The following CEP112 variants were observed in gnomAD, a reference collection of about 807,000 sequenced individuals.
CEP112 encodes centrosomal protein 112.
Under a neutral mutation model 153.0 loss-of-function variants are expected in CEP112, and 127 were observed. The observed-to-expected ratio is 0.83, with a 90% CI of 0.72 to 0.96. The LOEUF (loss-of-function observed/expected upper bound fraction) is 0.96. CEP112 is among the 40% of genes least tolerant of loss of function. The probability of loss-of-function intolerance (pLI) is 0.00; values close to 1 mark genes in which losing one functional copy is unlikely to be tolerated. For missense variants in CEP112, 1,089 were observed against 1,101.2 expected, an observed-to-expected ratio of 0.99 and a Z score of 0.16; for synonymous variants, 358 against 374.4, an observed-to-expected ratio of 0.96 and a Z score of 0.51.
chr17:65,950,998 G>C (rs140856471), intron 18 of CEP112, among the ~76,000 whole-genome samples: 73 of 152,064 alleles, frequency 4.8e-4, no homozygotes, highest in African/African-American at 1.7e-3. Context: ...AGACAATCAC[G>C]TGATTTTTTC....
chr17:65,746,425 A>C (rs1027792058), intron 22 of CEP112, among the ~76,000 whole-genome samples: 1 of 152,204 alleles, frequency 6.6e-6, no homozygotes, highest in African/African-American at 2.4e-5. Context: ...ACTTGGCTAG[A>C]TAAATAGATA....
intron 20 of CEP112, among the ~76,000 whole-genome samples, chr17:65,900,157 T>C (rs1322944408): frequency 6.6e-6 from 1 of 152,186 alleles, no homozygotes; most frequent in African/African-American, 2.4e-5. Context: ...TACAGCTCAT[T>C]GCTAAAACTT....
intron 6 of CEP112, among the ~76,000 whole-genome samples, chr17:66,104,994 C>T (rs1844218875): frequency 6.6e-6 from 1 of 152,088 alleles, no homozygotes; most frequent in African/African-American, 2.4e-5. Context: ...AAGTATATTA[C>T]TATTATAACA....
intron 4 of CEP112, among the ~76,000 whole-genome samples, chr17:66,159,435 G>A (rs192156900): frequency 3.3e-5 from 5 of 152,224 alleles, no homozygotes; most frequent in East Asian, 1.9e-4. Context: ...GATGAACATC[G>A]ATGCAAAAAT....
chr17:65,937,519 A>G (rs1255687358), intron 18 of CEP112, among the ~76,000 whole-genome samples: 1 of 137,338 alleles, frequency 7.3e-6, no homozygotes, highest in African/African-American at 2.6e-5. Context: ...CCGTCTGAGA[A>G]GTGAGGAGCC....
chr17:65,734,344 G>C (rs2050680691), intron 23 of CEP112, among the ~76,000 whole-genome samples: 1 of 152,114 alleles, frequency 6.6e-6, no homozygotes, highest in Non-Finnish European at 1.5e-5. Context: ...GAGACTGGAG[G>C]GTGATGTCTA....
At chr17:65,727,762 T>A (rs1336179645) in intron 23 of CEP112, among the ~76,000 whole-genome samples, 2 of 152,094 alleles carry the variant, frequency 1.3e-5, no homozygotes, top group South Asian at 4.1e-4. Flanking sequence ...CAGTGCAACA[T>A]ATAGGACCCA....
At chr17:65,724,398 T>G (rs1021875318) in intron 23 of CEP112, among the ~76,000 whole-genome samples, 3 of 152,214 alleles carry the variant, frequency 2.0e-5, no homozygotes, top group South Asian at 4.1e-4. Flanking sequence ...GATTTCCTGA[T>G]GCAGTAGCAA....
At chr17:65,712,857 G>C (rs968178268) in intron 23 of CEP112, among the ~76,000 whole-genome samples, 1 of 152,182 alleles carries the variant, frequency 6.6e-6, no homozygotes, top group African/African-American at 2.4e-5. Flanking sequence ...GTAAGGCAGA[G>C]AGCTGTGCTT....
intron 9 of CEP112, 53 bp downstream of exon 9, chr17:66,069,862 C>T: frequency 9.9e-7 from 1 of 1,005,836 alleles, no homozygotes; most frequent in Non-Finnish European, 1.5e-6. Flanking sequence ...CATCATAAAA[C>T]CTAGAATATT....
intron 17 of CEP112, among the ~76,000 whole-genome samples, chr17:65,969,871 CATT>C (rs879875341): frequency 2.6e-5 from 4 of 152,156 alleles, no homozygotes; most frequent in Non-Finnish European, 2.9e-5. Flanking sequence ...ATTACATGTG[CATT>C]ATGTGTAAAT....
intron 21 of CEP112, among the ~76,000 whole-genome samples, chr17:65,770,189 C>T (rs7207587): frequency 0.48 from 72,733 of 150,608 alleles, 19,144 homozygotes; most frequent in East Asian, 0.78. Context: ...CAGAGAAAAC[C>T]ATATCAAGGC....
At chr17:65,920,546 T>G (rs2060687246) in intron 19 of CEP112, among the ~76,000 whole-genome samples, 1 of 149,622 alleles carries the variant, frequency 6.7e-6, no homozygotes, top group Non-Finnish European at 1.5e-5. Flanking sequence ...CTTTTAGGAT[T>G]TTTATCACAC....
chr17:66,079,625 T>C (rs1407353122), intron 8 of CEP112, among the ~76,000 whole-genome samples: 2 of 152,188 alleles, frequency 1.3e-5, no homozygotes, highest in Admixed American at 6.5e-5. Flanking sequence ...CAAGCTACCA[T>C]TGACTTTTTT....
rs183953125 is a variant in CEP112, at chr17:66,076,714, C to G, written c.769-6713G>C. ...TCTCCATAGTACCACAGCTGATGCTCTCTGGAAAGTGTCACCCTCTGGCAG... is the reference window on the plus strand; with the variant it reads ...TCTCCATAGTACCACAGCTGATGCTGTCTGGAAAGTGTCACCCTCTGGCAG... On this transcript the variant is annotated intron_variant, in intron 8 of 26. Coordinates refer to ENST00000535342, the MANE Select transcript of CEP112 (RefSeq NM_001199165.4). 1.1e-4 allele frequency among the ~76,000 whole-genome samples: 17 copies of G among 152,316 alleles called. No individual in the cohort carries two copies. The East Asian group carries it at 3.3e-3, about 29-fold the overall frequency.
chr17:65,827,909 A>G (rs2056906468), intron 21 of CEP112, among the ~76,000 whole-genome samples: 1 of 152,222 alleles, frequency 6.6e-6, no homozygotes, highest in Admixed American at 6.5e-5. Context: ...TGATGAAGCC[A>G]GCTTTGGCCA....
chr17:65,970,911 T>C (rs1017389622), intron 17 of CEP112, among the ~76,000 whole-genome samples: 13 of 79,264 alleles, frequency 1.6e-4, no homozygotes, highest in Non-Finnish European at 8.0e-5. Flanking sequence ...ATTGCATGTA[T>C]GTTGCATGTA....
At chr17:65,991,597 C>T (rs1460330551) in intron 17 of CEP112, among the ~76,000 whole-genome samples, 2 of 151,942 alleles carry the variant, frequency 1.3e-5, no homozygotes, top group African/African-American at 2.4e-5. Context: ...TTTGAAAGTT[C>T]GAATTTGTTT....
At chr17:65,647,472 C>CT (rs36023443) in intron 24 of CEP112, among the ~76,000 whole-genome samples, 1,409 of 111,286 alleles carry the variant, frequency 0.013, 35 homozygotes, top group African/African-American at 0.044. Flanking sequence ...TGTGCCCGGC[C>CT]TTTTTTTTTT....
Sources: gnomAD v4.1 joint callset for allele counts (sites outside exome capture counted in the v4.1 genomes callset) on GRCh38, gnomAD v4.1.1 for gene constraint, MANE v1.5 for transcripts, NCBI Gene and HGNC (gene_info 2026-07-23, HGNC 2026-07-21) for gene names.